The following TAFA2 variants were observed in gnomAD, a reference collection of about 807,000 sequenced individuals.
TAFA2 encodes chemokine-like protein TAFA-2.
Under a neutral mutation model 18.8 loss-of-function variants are expected in TAFA2, and 7 were observed. The observed-to-expected ratio is 0.37, with a 90% CI of 0.21 to 0.70. The LOEUF is 0.70. Among genes scored for constraint, TAFA2 ranks in the 30% least tolerant of loss-of-function variants. The pLI is 0.53. For missense variants in TAFA2, 122 were observed against 158.1 expected, an observed-to-expected ratio of 0.77 and a Z score of 1.23; for synonymous variants, 60 against 54.2, an observed-to-expected ratio of 1.11 and a Z score of -0.47.
At chr12:62,169,013 G>A (rs1031949353) in intron 1 of TAFA2, among the ~76,000 whole-genome samples, 3 of 151,358 alleles carry the variant, frequency 2.0e-5, no homozygotes, top group African/African-American at 7.3e-5. Flanking sequence ...TAAAAATTGG[G>A]GAAATTTCAA....
At chr12:61,865,980 G>A (rs1056094590) in intron 2 of TAFA2, among the ~76,000 whole-genome samples, 1 of 152,134 alleles carries the variant, frequency 6.6e-6, no homozygotes. Flanking sequence ...ATACTACTTC[G>A]TTCTTTGGTC....
chr12:62,222,119 G>C (rs1192691093), intron 1 of TAFA2, among the ~76,000 whole-genome samples: 2 of 152,162 alleles, frequency 1.3e-5, no homozygotes, highest in Admixed American at 6.5e-5. Context: ...GGGGTGAAGA[G>C]AGACATTGCA....
At chr12:62,222,616 C>G (rs1466632082) in intron 1 of TAFA2, among the ~76,000 whole-genome samples, 1 of 151,906 alleles carries the variant, frequency 6.6e-6, no homozygotes, top group East Asian at 1.9e-4. Flanking sequence ...ATGCCATTCT[C>G]CTGCCTCAGT....
At chr12:61,848,600 ATTAAG>A (rs140886894) in intron 2 of TAFA2, among the ~76,000 whole-genome samples, 18,308 of 152,074 alleles carry the variant, frequency 0.12, 1,236 homozygotes, top group East Asian at 0.19. Flanking sequence ...CATGAATAAA[ATTAAG>A]TTAAACATAG....
intron 1 of TAFA2, among the ~76,000 whole-genome samples, chr12:62,056,025 T>G (rs1882178888): frequency 6.6e-6 from 1 of 152,236 alleles, no homozygotes. Flanking sequence ...AAAATCAGGA[T>G]TTCAGTATAT....
chr12:61,978,476 A>G (rs949331928), intron 1 of TAFA2, among the ~76,000 whole-genome samples: 2 of 152,078 alleles, frequency 1.3e-5, no homozygotes, highest in Non-Finnish European at 2.9e-5. Context: ...AACAGTTCCT[A>G]CATGAGAAAG....
rs116184392 is a variant in TAFA2, at chr12:61,905,464, C to T, written c.-1-38038G>A. Among the ~76,000 whole-genome samples, 1,085 of 152,276 alleles carry T rather than the reference C, an allele frequency of 7.1e-3. 19 individuals carry two copies. The highest frequency in any genetic ancestry group is 0.024 in the African/African-American group (1,017 of 41,550). On this transcript the variant is annotated intron_variant, in intron 1 of 4. Transcript: ENST00000416284. ...CAAATTAAATAAAATAAATTATTAG[C>T]TTACCCCCTCAGAAGTTAAAATGGT...
At chr12:62,015,975 G>T (rs554168369) in intron 1 of TAFA2, among the ~76,000 whole-genome samples, 1 of 152,244 alleles carries the variant, frequency 6.6e-6, no homozygotes, top group South Asian at 2.1e-4. Flanking sequence ...TGATGGTAAT[G>T]GTTGCACAAC....
intron 4 of TAFA2, among the ~76,000 whole-genome samples, chr12:61,746,629 A>G (rs1868721466): frequency 6.6e-6 from 1 of 152,164 alleles, no homozygotes; most frequent in Non-Finnish European, 1.5e-5. Flanking sequence ...TGACCTAAAG[A>G]TAATTACTGG....
At chr12:62,106,599 C>T (rs1009994395) in intron 1 of TAFA2, among the ~76,000 whole-genome samples, 3 of 152,060 alleles carry the variant, frequency 2.0e-5, no homozygotes, top group East Asian at 1.9e-4. Flanking sequence ...TAAAAGAAAG[C>T]GTAGAAAAAT....
chr12:62,053,176 T>C (rs1020414759), intron 1 of TAFA2, among the ~76,000 whole-genome samples: 4 of 152,170 alleles, frequency 2.6e-5, no homozygotes, highest in Non-Finnish European at 5.9e-5. Flanking sequence ...TGAAAGTATA[T>C]AAAAAAGCAA....
rs533567561 is a variant in TAFA2 at position 62,236,256 on chromosome 12, T to C, written c.-130+22507A>G. Reference sequence around the variant, plus strand: ...AGCGAGTTTATGCCTTCAAATGTTTTTTTTCTTTTTTTTTTCTTTTTTTTT... The same window carrying C: ...AGCGAGTTTATGCCTTCAAATGTTTCTTTTCTTTTTTTTTTCTTTTTTTTT... On this transcript the variant is annotated intron_variant, in intron 1 of 5. Transcript: ENST00000551619. 8.1e-4 allele frequency among the ~76,000 whole-genome samples: 72 copies of C among 88,586 alleles called. No individual in the cohort carries two copies. In the South Asian group the frequency reaches 0.022, roughly 27 times the overall value. The allele number at this position is 88,586 out of a possible 152,430, so 58.1% of individuals were successfully genotyped here.
intron 1 of TAFA2, among the ~76,000 whole-genome samples, chr12:62,155,381 A>G (rs2062361351): frequency 6.6e-6 from 1 of 152,144 alleles, no homozygotes; most frequent in South Asian, 2.1e-4. Flanking sequence ...AACAAAAGCA[A>G]TCTACAAATT....
chr12:62,207,462 TCACACACAAACA>T (rs2062696898), intron 1 of TAFA2, among the ~76,000 whole-genome samples: 1 of 151,850 alleles, frequency 6.6e-6, no homozygotes, highest in Non-Finnish European at 1.5e-5. Context: ...TATCCCTCTT[TCACACACAAACA>T]CACACACACA....
chr12:62,234,604 ACAAATAGGG>A, intron 1 of TAFA2: 2 of 823,320 alleles, frequency 2.4e-6, no homozygotes, highest in Admixed American at 1.7e-5. Context: ...TTCCCGTTGC[ACAAATAGGG>A]CCTCTCACCC....
chr12:62,237,957 T>C (rs61919224), intron 1 of TAFA2, among the ~76,000 whole-genome samples: 6,692 of 152,280 alleles, frequency 0.044, 204 homozygotes, highest in East Asian at 0.099. Flanking sequence ...CGTCTCTGGC[T>C]GAGATAAAGA....
chr12:61,954,409 A>G (rs1279343132), intron 1 of TAFA2, among the ~76,000 whole-genome samples: 3 of 152,190 alleles, frequency 2.0e-5, no homozygotes, highest in Non-Finnish European at 4.4e-5. Context: ...ATTATGTAGC[A>G]TTTGGAATTT....
chr12:62,129,972 T>C (rs1030693085), intron 1 of TAFA2, among the ~76,000 whole-genome samples: 4 of 152,036 alleles, frequency 2.6e-5, no homozygotes, highest in Admixed American at 2.6e-4. Context: ...TCATGTTATG[T>C]TTTAGTAGCA....
chr12:61,790,285 C>G (rs966377739), intron 2 of TAFA2, among the ~76,000 whole-genome samples: 7 of 151,654 alleles, frequency 4.6e-5, no homozygotes, highest in African/African-American at 1.7e-4. Context: ...AAAAGCTAAA[C>G]ACTTTTTCTT....
Sources: gnomAD v4.1 joint callset for allele counts (sites outside exome capture counted in the v4.1 genomes callset) on GRCh38, gnomAD v4.1.1 for gene constraint, MANE v1.5 for transcripts, NCBI Gene and HGNC (gene_info 2026-07-23, HGNC 2026-07-21) for gene names.